Variants in BPIFB2 observed in about 807,000 individuals in gnomAD.
The protein encoded by BPIFB2 is BPI fold containing family B member 2.
In BPIFB2, 39 loss-of-function variants were observed where a neutral mutation model predicts 50.1. That is an observed-to-expected ratio of 0.78 (90% CI 0.60 to 1.02). The LOEUF is 1.02. Ranked by LOEUF, BPIFB2 falls within the 50% of genes least tolerant of loss-of-function variation. The probability of loss-of-function intolerance (pLI) is 0.00; values close to 1 mark genes in which losing one functional copy is unlikely to be tolerated. For synonymous variants in BPIFB2, 280 were observed against 256.3 expected, an observed-to-expected ratio of 1.09 and a Z score of -0.88; for missense variants, 574 against 585.8, an observed-to-expected ratio of 0.98 and a Z score of 0.21.
At chr20:33,018,873 G>GC in intron 9 of BPIFB2, 51 bp downstream of exon 9, 1 of 1,583,742 alleles carries the variant, frequency 6.3e-7, no homozygotes, top group Non-Finnish European at 8.6e-7. Flanking sequence ...GCTCCCTGTG[G>GC]CCCAGCCTAG....
chr20:33,023,692 C>T lies in BPIFB2; in HGVS notation c.*309C>T. 1 of 461,144 alleles carries T rather than the reference C, an allele frequency of 2.2e-6. No homozygotes were observed. Among genetic ancestry groups the T allele is most frequent in the South Asian group, 2.6e-5 (1 of 38,054 alleles). 28.6% of individuals were successfully genotyped at this position (461,144 alleles called of 1,614,324 possible). A position where few individuals can be genotyped will look rare whatever the true frequency, so the allele number is the denominator to read the frequency against. On this transcript the variant is annotated 3_prime_UTR_variant, in exon 16 of 16. Transcript: ENST00000170150. ...TGCCCTCTTGCATTAAACAACTTCT[C>T]TTGAGCTGCAACTTTCAGCCAAGCC...
rs1978750356 is a variant in BPIFB2, at chr20:33,023,355, T to C, written c.1349T>C (p.Ile450Thr). The change falls in exon 16 of 16, where the codon ATA (isoleucine) becomes ACA (threonine). Residue 450 changes from isoleucine to threonine, a missense_variant. Coordinates refer to ENST00000170150, the MANE Select transcript of BPIFB2 (RefSeq NM_025227.3). Reference sequence around the variant, plus strand: ...TTTGCCCTTCAGGGCTACGTGGTGATATCCAGTGGACTCTTCTACCAGAGC... The same window carrying C: ...TTTGCCCTTCAGGGCTACGTGGTGACATCCAGTGGACTCTTCTACCAGAGC... ...EIFVYEGYVV[I>T]SSGLFYQS 6.2e-7 allele frequency: 1 copy of C among 1,613,958 alleles called. No homozygotes were observed. Among genetic ancestry groups the C allele is most frequent in the Non-Finnish European group, 8.5e-7 (1 of 1,179,904 alleles).
At chr20:33,010,884 C>T (rs1350672560) in intron 2 of BPIFB2, 140 bp from the exon 3 acceptor site, 3 of 684,510 alleles carry the variant, frequency 4.4e-6, no homozygotes, top group Non-Finnish European at 7.5e-6. Flanking sequence ...CAGCTGCCCT[C>T]CCCATATGCT....
In BPIFB2 at chr20:33,023,455, G is replaced by A. The variant is rs1978757481; in HGVS notation, c.*72G>A. On this transcript the variant is annotated 3_prime_UTR_variant, in exon 16 of 16. Transcript: ENST00000170150. The stretch of plus-strand genomic sequence containing the variant: ...GCGAATTTCTCATTTCAAGCCACTG[G>A]GGAAACTGAGGCAAAACCATACTTA... 2.6e-6 allele frequency: 4 copies of A among 1,532,698 alleles called. No homozygotes were observed. Among genetic ancestry groups the A allele is most frequent in the Non-Finnish European group, 3.6e-6 (4 of 1,107,676 alleles). 94.9% of individuals were successfully genotyped at this position (1,532,698 alleles called of 1,614,324 possible). A position where few individuals can be genotyped will look rare whatever the true frequency, so the allele number is the denominator to read the frequency against.
intron 2 of BPIFB2, 70 bp downstream of exon 2, chr20:33,008,753 G>T: frequency 7.6e-7 from 1 of 1,310,050 alleles, no homozygotes; most frequent in South Asian, 1.5e-5. Flanking sequence ...GTGTGTGTGC[G>T]TAGCTGTGAA....
Position 33,018,730 on chromosome 20 carries a change from G to C in BPIFB2, c.763G>C (p.Ala255Pro), listed in dbSNP as rs768088122. 1.9e-6 allele frequency: 3 copies of C among 1,614,106 alleles called. No individual in the cohort carries two copies. Among genetic ancestry groups the C allele is most frequent in the African/African-American group, 2.7e-5 (2 of 74,946 alleles). ...GCATGTGGGTACCGAGGGCTCCATG[G>C]CCACCGTGGGCCTCTCCCAGCAGCT... ...PRHVGTEGSM[A>P]TVGLSQQLFD... The change falls in exon 9 of 16, where the codon GCC becomes CCC. Residue 255 changes from alanine to proline, a missense_variant. Physicochemically the swap from Ala to Pro is conservative, Grantham distance 27 (BLOSUM62 -1). Transcript: ENST00000170150.
In BPIFB2 at chr20:33,016,179, G is replaced by A. The variant is rs556670404; in HGVS notation, c.516+683G>A. ...TGCTTTAAGGGGCAGTAGTAGAGACGAAGTCAACCTCCTGCATGCCACCCC... is the reference window on the plus strand; with the variant it reads ...TGCTTTAAGGGGCAGTAGTAGAGACAAAGTCAACCTCCTGCATGCCACCCC... On this transcript the variant is annotated intron_variant, in intron 6 of 15. Transcript: ENST00000170150. 1.2e-4 allele frequency among the ~76,000 whole-genome samples: 19 copies of A among 152,112 alleles called. No homozygotes were observed. The South Asian group carries it at 2.5e-3, about 20-fold the overall frequency.
chr20:33,022,934 T>C (rs1433905555), intron 15 of BPIFB2, among the ~76,000 whole-genome samples: 1 of 147,812 alleles, frequency 6.8e-6, no homozygotes, highest in Non-Finnish European at 1.5e-5. Flanking sequence ...GAAGATTTAC[T>C]GAATGAATGA....
chr20:33,016,646 G>T (rs1351073057), intron 6 of BPIFB2, among the ~76,000 whole-genome samples: 1 of 152,194 alleles, frequency 6.6e-6, no homozygotes, highest in African/African-American at 2.4e-5. Flanking sequence ...GCCTGGTCTG[G>T]CTTGCTGATC....
At chr20:33,021,394 C>CT in intron 14 of BPIFB2, 50 bp downstream of exon 14, 2 of 1,555,118 alleles carry the variant, frequency 1.3e-6, no homozygotes, top group South Asian at 2.3e-5. Context: ...CCCTCCATAT[C>CT]CCACATCTGC....
chr20:33,020,519 G>C, intron 12 of BPIFB2, 23 bp from the exon 13 acceptor site: 1 of 1,602,958 alleles, frequency 6.2e-7, no homozygotes, highest in Non-Finnish European at 8.5e-7. Flanking sequence ...ACCCTGTCCT[G>C]AATTCTCCTG....
In BPIFB2 at chr20:33,016,486, C is replaced by T. The variant is rs1978435753; in HGVS notation, c.517-556C>T. ...CCCTGCCCAGTCTCGCCAGCTCTTG[C>T]CTGGTTAAGGCTGCGAGTGCCCCTG... is the stretch of plus-strand genomic sequence containing the variant. On this transcript the variant is annotated intron_variant, in intron 6 of 15. Transcript: ENST00000170150. Among the ~76,000 whole-genome samples the T allele has an allele frequency of 2.0e-5, 3 of 152,226 alleles. No individual in the cohort carries two copies. The South Asian group carries it at 6.2e-4, about 31-fold the overall frequency.
intron 15 of BPIFB2, among the ~76,000 whole-genome samples, chr20:33,022,238 T>C (rs916697770): frequency 6.6e-6 from 1 of 152,158 alleles, no homozygotes; most frequent in Non-Finnish European, 1.5e-5. Flanking sequence ...CAGGGTGAGA[T>C]GCGACAGCTG....
Position 33,021,357 on chromosome 20 carries a change from C to T in BPIFB2, c.1258+13C>T, listed in dbSNP as rs762743442. The T allele has an allele frequency of 1.3e-5, 21 of 1,609,240 alleles. No homozygotes were observed. In the Admixed American group the frequency reaches 1.3e-4, roughly 10 times the overall value. ...GACCATCTCAATGGTAAGCCCTGCC[C>T]TCCACCCCAGCAGGGCCCCTCTGGC... On this transcript the variant is annotated intron_variant, in intron 14 of 15. Transcript: ENST00000170150.
In BPIFB2 at chr20:33,011,128, C is replaced by T. The variant is rs916336510; in HGVS notation, c.203+11C>T. 3 of 1,611,696 alleles carry T rather than the reference C, an allele frequency of 1.9e-6. No individual in the cohort carries two copies. The highest frequency in any genetic ancestry group is 2.5e-6 in the Non-Finnish European group (3 of 1,178,044). On this transcript the variant is annotated intron_variant, in intron 3 of 15. Transcript: ENST00000170150. Reference sequence around the variant, plus strand: ...GCTTCAGCCCACCAGGTGAGTGCTCCCCTCCTCCAGAGAAGGTGCTCCTGC... The same window carrying T: ...GCTTCAGCCCACCAGGTGAGTGCTCTCCTCCTCCAGAGAAGGTGCTCCTGC...
At position 33,021,756 on chromosome 20, in the gene BPIFB2, T is replaced by C. The variant is rs866683003; in HGVS notation, c.1292T>C (p.Val431Ala). The change falls in exon 15 of 16, where the codon GTG (valine) becomes GCG (alanine). Residue 431 changes from valine to alanine, a missense_variant. Val to Ala is a moderately conservative substitution (Grantham distance 64). Transcript: ENST00000170150. ...LLAMGIALPG[V>A]VNLHYVAPEI... ...GCCATGGGAATTGCCCTCCCTGGTG[T>C]GGTCAACCTCCACTATGTCGCCCCT... is the stretch of plus-strand genomic sequence containing the variant. The C allele has an allele frequency of 1.2e-6, 2 of 1,614,042 alleles. No individual in the cohort carries two copies. Among genetic ancestry groups the C allele is most frequent in the Middle Eastern group, 1.6e-4 (1 of 6,084 alleles).
In BPIFB2 at chr20:33,020,376, G is replaced by C. The variant is rs1413608182; in HGVS notation, c.1129G>C (p.Gly377Arg). 6.2e-7 allele frequency: 1 copy of C among 1,613,996 alleles called. No individual in the cohort carries two copies. The highest frequency in any genetic ancestry group is 8.5e-7 in the Non-Finnish European group (1 of 1,180,010). The change falls in exon 12 of 16, where the codon GGG (glycine) becomes CGG (arginine). Residue 377 changes from glycine to arginine, a missense_variant. Transcript: ENST00000170150. ...CTCTGTGTCCAAGGTGAAGCTTCAG[G>C]GGACCACGTCTGTGCTGGGGTAAAC... ...QLSVSKVKLQGTTSVLGDVQL... is the reference protein window; with the variant it reads ...QLSVSKVKLQRTTSVLGDVQL...
Position 33,023,425 on chromosome 20 carries a change from C to G in BPIFB2, c.*42C>G. On this transcript the variant is annotated 3_prime_UTR_variant, in exon 16 of 16. Transcript: ENST00000170150. ...GGCCTGAGAGTGGGCCAGCTCGCTGCTCAGGCGAATTTCTCATTTCAAGCC... is the reference window on the plus strand; with the variant it reads ...GGCCTGAGAGTGGGCCAGCTCGCTGGTCAGGCGAATTTCTCATTTCAAGCC... The G allele has an allele frequency of 6.2e-7, 1 of 1,600,308 alleles. No individual in the cohort carries two copies. Among genetic ancestry groups the G allele is most frequent in the African/African-American group, 1.3e-5 (1 of 74,750 alleles).
intron 15 of BPIFB2, among the ~76,000 whole-genome samples, chr20:33,022,260 A>T (rs925771125): frequency 2.0e-5 from 3 of 152,200 alleles, no homozygotes; most frequent in African/African-American, 4.8e-5. Flanking sequence ...TTTCTTCTGT[A>T]CCTGGGATAT....
Sources: gnomAD v4.1 joint callset for allele counts (sites outside exome capture counted in the v4.1 genomes callset) on GRCh38, gnomAD v4.1.1 for gene constraint, MANE v1.5 for transcripts, NCBI Gene and HGNC (gene_info 2026-07-23, HGNC 2026-07-21) for gene names.